GPC5: variants seen among roughly 807,000 people sequenced by gnomAD.
GPC5 encodes glypican 5, also known as glypican-5.
A neutral mutation model predicts 53.9 loss-of-function variants in GPC5; 47 were observed. That is an observed-to-expected ratio of 0.87 (90% CI 0.69 to 1.11). The LOEUF (loss-of-function observed/expected upper bound fraction) is 1.11. Among genes scored for constraint, GPC5 ranks in the 50% most tolerant of loss-of-function variants. The pLI, the probability that GPC5 is intolerant of heterozygous loss-of-function variation, is 0.00. For missense variants in GPC5, 748 were observed against 713.1 expected (o/e 1.05, Z -0.56); for synonymous variants, 286 against 263.3 (o/e 1.09, Z -0.84).
intron 2 of GPC5, among the ~76,000 whole-genome samples, chr13:91,483,327 A>G (rs1883407325): frequency 6.6e-6 from 1 of 152,128 alleles, no homozygotes; most frequent in African/African-American, 2.4e-5. Flanking sequence ...AGGCCTTTGT[A>G]TGTTAGCGCT....
In GPC5 at chr13:91,728,653, C is replaced by A; in HGVS notation, c.1142C>A (p.Ala381Asp). Reference sequence around the variant, plus strand: ...ACAAGGAACAGTGAAGAGACGCTTGCCAACAGAAGAAAGTAAGACATTTGT... The same window carrying A: ...ACAAGGAACAGTGAAGAGACGCTTGACAACAGAAGAAAGTAAGACATTTGT... ...TTTRNSEETL[A>D]NRRKEFINSL... The change falls in exon 4 of 8, where the codon GCC becomes GAC. Residue 381 changes from alanine to aspartate, a missense_variant. Coordinates refer to ENST00000377067, the MANE Select transcript of GPC5 (RefSeq NM_004466.6). 6.2e-7 allele frequency: 1 copy of A among 1,608,634 alleles called. No individual in the cohort carries two copies. The highest frequency in any genetic ancestry group is 8.5e-7 in the Non-Finnish European group (1 of 1,177,458).
intron 7 of GPC5, among the ~76,000 whole-genome samples, chr13:92,280,349 A>T (rs2042905741): frequency 1.3e-5 from 2 of 151,952 alleles, no homozygotes; most frequent in South Asian, 4.1e-4. Context: ...TTTATCTTTG[A>T]TTTATCTCTT....
chr13:91,688,713 C>A (rs2035675813), intron 2 of GPC5, among the ~76,000 whole-genome samples: 5 of 152,146 alleles, frequency 3.3e-5, no homozygotes, highest in Admixed American at 3.3e-4. Context: ...TTACACAGAT[C>A]TAGACCTTAG....
rs568936079 is a variant in GPC5 at position 92,020,576 on chromosome 13, CT to C, written c.1401+112520del. Among the ~76,000 whole-genome samples, 534 of 151,618 alleles carry C rather than the reference CT, an allele frequency of 3.5e-3. 6 individuals are homozygous for C. The highest frequency in any genetic ancestry group is 0.012 in the African/African-American group (513 of 41,400). ...CTGATGATTAGTGACACTGAGCATT[CT>C]ATTCATATACCTGAGCATTCTATTT... On this transcript the variant is annotated intron_variant, in intron 6 of 7. Coordinates refer to ENST00000377067, the MANE Select transcript of GPC5 (RefSeq NM_004466.6).
chr13:92,427,239 T>C (rs1243214811), intron 7 of GPC5, among the ~76,000 whole-genome samples: 1 of 151,160 alleles, frequency 6.6e-6, no homozygotes, highest in African/African-American at 2.4e-5. Context: ...AATCTGACTC[T>C]GTGTTATTGT....
chr13:91,597,077 A>G (rs2033021406), intron 2 of GPC5, among the ~76,000 whole-genome samples: 1 of 152,142 alleles, frequency 6.6e-6, no homozygotes, highest in Non-Finnish European at 1.5e-5. Context: ...AAACTCTCTC[A>G]AAGCAGTAAA....
intron 7 of GPC5, among the ~76,000 whole-genome samples, chr13:92,702,740 T>C (rs950292900): frequency 6.6e-6 from 1 of 152,108 alleles, no homozygotes; most frequent in East Asian, 1.9e-4. Flanking sequence ...TGAATGCATG[T>C]CACTTTTCTG....
intron 7 of GPC5, among the ~76,000 whole-genome samples, chr13:92,312,440 A>G (rs2043151341): frequency 6.6e-6 from 1 of 152,230 alleles, no homozygotes; most frequent in South Asian, 2.1e-4. Flanking sequence ...AACAGTGGTT[A>G]TGTCAAAAAA....
chr13:92,842,655 GTTT>G (rs11331842), intron 7 of GPC5, among the ~76,000 whole-genome samples: 17 of 140,714 alleles, frequency 1.2e-4, no homozygotes, highest in Admixed American at 5.0e-4. Context: ...ATACATAATT[GTTT>G]TTTTTTTTTT....
At chr13:92,731,476 G>A (rs997977738) in intron 7 of GPC5, among the ~76,000 whole-genome samples, 2 of 151,250 alleles carry the variant, frequency 1.3e-5, no homozygotes, top group African/African-American at 2.4e-5. Context: ...TATAGTTAAA[G>A]AAAAAAGGAA....
At chr13:92,400,688 A>G (rs1441009366) in intron 7 of GPC5, among the ~76,000 whole-genome samples, 1 of 152,214 alleles carries the variant, frequency 6.6e-6, no homozygotes, top group African/African-American at 2.4e-5. Context: ...TATTTCCTAC[A>G]GCAGTTATCA....
chr13:92,461,896 C>T (rs1399632989), intron 7 of GPC5, among the ~76,000 whole-genome samples: 1 of 152,174 alleles, frequency 6.6e-6, no homozygotes, highest in African/African-American at 2.4e-5. Context: ...AAGACAGATG[C>T]ACCTCTGAAA....
At chr13:92,796,625 T>G (rs1876695255) in intron 7 of GPC5, among the ~76,000 whole-genome samples, 1 of 151,946 alleles carries the variant, frequency 6.6e-6, no homozygotes, top group South Asian at 2.1e-4. Flanking sequence ...AATGCCCAAC[T>G]ACCCTTACCA....
chr13:91,870,147 A>G (rs1375695476), intron 5 of GPC5, among the ~76,000 whole-genome samples: 4 of 152,172 alleles, frequency 2.6e-5, no homozygotes, highest in South Asian at 4.1e-4. Flanking sequence ...AGATTCTTAC[A>G]TTCACCAAGG....
chr13:92,843,396 C>T (rs1021328944), intron 7 of GPC5, among the ~76,000 whole-genome samples: 7 of 152,072 alleles, frequency 4.6e-5, no homozygotes, highest in African/African-American at 1.2e-4. Context: ...TAAGTTGATC[C>T]AAGTATCTCT....
chr13:91,536,419 C>T (rs945925237), intron 2 of GPC5, among the ~76,000 whole-genome samples: 3 of 152,294 alleles, frequency 2.0e-5, no homozygotes, highest in African/African-American at 7.2e-5. Context: ...GATAGCAGAA[C>T]AGATCTAGTC....
At chr13:92,264,730 G>A (rs2042789812) in intron 7 of GPC5, among the ~76,000 whole-genome samples, 1 of 151,406 alleles carries the variant, frequency 6.6e-6, no homozygotes, top group Non-Finnish European at 1.5e-5. Context: ...CAATAATATG[G>A]ATTTTTCCCA....
intron 6 of GPC5, 75 bp downstream of exon 6, chr13:91,908,132 A>T: frequency 8.4e-7 from 1 of 1,183,672 alleles, no homozygotes; most frequent in East Asian, 2.7e-5. Context: ...ATATTTGATA[A>T]ATTTGTTAAT....
intron 5 of GPC5, among the ~76,000 whole-genome samples, chr13:91,889,722 G>A (rs984259797): frequency 6.6e-6 from 1 of 152,058 alleles, no homozygotes; most frequent in Non-Finnish European, 1.5e-5. Flanking sequence ...AATATGCATT[G>A]AGCTTGTATA....
Sources: allele counts gnomAD v4.1 joint callset (sites outside exome capture counted in the v4.1 genomes callset), GRCh38; gene constraint gnomAD v4.1.1; transcripts MANE v1.5; gene names NCBI Gene and HGNC (gene_info 2026-07-23, HGNC 2026-07-21).